ATP11A: variants seen among roughly 807,000 people sequenced by gnomAD.
ATP11A encodes phospholipid-transporting ATPase IH.
ATP11A carries 81 observed loss-of-function variants against 154.4 expected under a neutral mutation model. The ratio of observed to expected loss-of-function variants is 0.52; its 90% CI spans 0.44 to 0.63. The LOEUF is 0.63. Ranked by LOEUF, ATP11A falls within the 30% of genes least tolerant of loss-of-function variation. The pLI, the probability that ATP11A is intolerant of heterozygous loss-of-function variation, is 0.00. For synonymous variants in ATP11A, 623 were observed against 585.9 expected, an observed-to-expected ratio of 1.06 and a Z score of -0.91; for missense variants, 1,316 against 1,474.3, an observed-to-expected ratio of 0.89 and a Z score of 1.76.
chr13:112,871,797 A>G lies in ATP11A; in HGVS notation c.3054A>G (p.Leu1018=). ...VFTVMVFTVT[L]KLALDTHYWT... ...CCGTGATGGTGTTCACAGTTACACT[A>G]AAGGTAAGTGGTCTCGCGCTCACGT... Residue 1018 remains leucine, a synonymous_variant, in exon 26 of 30, where the codon CTA becomes CTG. Transcript: ENST00000375645. The G allele has an allele frequency of 1.9e-6, 3 of 1,614,100 alleles. No homozygotes were observed. The highest frequency in any genetic ancestry group is 2.5e-6 in the Non-Finnish European group (3 of 1,179,916).
intron 1 of ATP11A, among the ~76,000 whole-genome samples, chr13:112,784,786 G>C (rs2077581920): frequency 6.6e-6 from 1 of 152,214 alleles, no homozygotes; most frequent in Admixed American, 6.5e-5. Context: ...GCCTCCCAAA[G>C]TGCTGGGATT....
chr13:112,872,582 G>A (rs148981042), intron 26 of ATP11A, among the ~76,000 whole-genome samples: 20 of 152,372 alleles, frequency 1.3e-4, no homozygotes, highest in African/African-American at 4.1e-4. Context: ...CTGCACTCCA[G>A]CCTGGGCGAC....
chr13:112,867,695 C>T (rs549580434), intron 25 of ATP11A, among the ~76,000 whole-genome samples: 13 of 152,358 alleles, frequency 8.5e-5, no homozygotes, highest in African/African-American at 3.1e-4. Flanking sequence ...GCTGTACCCT[C>T]CAGCCCCTGG....
chr13:112,796,838 A>C (rs1425807295), intron 2 of ATP11A, among the ~76,000 whole-genome samples: 2 of 151,964 alleles, frequency 1.3e-5, no homozygotes, highest in African/African-American at 4.8e-5. Context: ...TTTGTAATAC[A>C]GGCTGCTCAG....
intron 25 of ATP11A, 73 bp downstream of exon 25, chr13:112,862,648 G>C (rs1243223932): frequency 6.3e-7 from 1 of 1,598,682 alleles, no homozygotes. Flanking sequence ...TGATGATTTT[G>C]CCAAAGCAGA....
chr13:112,824,524 G>A, intron 10 of ATP11A, 99 bp downstream of exon 10: 1 of 1,084,208 alleles, frequency 9.2e-7, no homozygotes, highest in Non-Finnish European at 1.4e-6. Flanking sequence ...CAGTTCCTTT[G>A]CCACTGTACA....
At chr13:112,862,391 C>T (rs370472327) in intron 24 of ATP11A, 49 bp from the exon 25 acceptor site, 81 of 1,606,968 alleles carry the variant, frequency 5.0e-5, no homozygotes, top group South Asian at 2.1e-4. Context: ...GGGGAGGTGC[C>T]GGGCCCTGAT....
At chr13:112,815,962 T>C (rs1368400585) in intron 5 of ATP11A, 121 bp from the exon 6 acceptor site, 21 of 1,369,812 alleles carry the variant, frequency 1.5e-5, no homozygotes, top group South Asian at 9.5e-5. Context: ...CCTGAAACCG[T>C]GTCCACATCC....
chr13:112,706,533 TG>T (rs1233680529), intron 1 of ATP11A, among the ~76,000 whole-genome samples: 1 of 152,246 alleles, frequency 6.6e-6, no homozygotes, highest in Non-Finnish European at 1.5e-5. Flanking sequence ...TTGCTTGGTT[TG>T]AATAAGTGCT....
intron 25 of ATP11A, among the ~76,000 whole-genome samples, chr13:112,863,135 C>A (rs1273430349): frequency 7.2e-6 from 1 of 138,280 alleles, no homozygotes; most frequent in South Asian, 2.4e-4. Flanking sequence ...CCATCACCAC[C>A]TGCACAGTAA....
At chr13:112,748,044 G>A (rs1334382818) in intron 1 of ATP11A, among the ~76,000 whole-genome samples, 1 of 152,196 alleles carries the variant, frequency 6.6e-6, no homozygotes, top group Non-Finnish European at 1.5e-5. Context: ...AAACTTTCAT[G>A]CATAAAATTA....
At chr13:112,729,933 C>T (rs949116927) in intron 1 of ATP11A, among the ~76,000 whole-genome samples, 16 of 152,246 alleles carry the variant, frequency 1.1e-4, no homozygotes, top group Non-Finnish European at 2.4e-4. Context: ...TTAGATGTAA[C>T]AGTAGTACTT....
At chr13:112,845,109 C>T (rs1468088000) in intron 17 of ATP11A, among the ~76,000 whole-genome samples, 3 of 151,476 alleles carry the variant, frequency 2.0e-5, no homozygotes, top group African/African-American at 4.9e-5. Flanking sequence ...CAGCCACTAG[C>T]GGTACTAGTA....
At chr13:112,788,122 T>A in intron 2 of ATP11A, among the ~76,000 whole-genome samples, 1 of 151,298 alleles carries the variant, frequency 6.6e-6, no homozygotes, top group Non-Finnish European at 1.5e-5. Flanking sequence ...ACCTACTTAA[T>A]CCACACCGGG....
At chr13:112,764,138 A>G (rs1212908000) in intron 1 of ATP11A, among the ~76,000 whole-genome samples, 1 of 152,362 alleles carries the variant, frequency 6.6e-6, no homozygotes, top group East Asian at 1.9e-4. Flanking sequence ...GTTTGGCCGT[A>G]GCCCCCATAA....
intron 2 of ATP11A, among the ~76,000 whole-genome samples, chr13:112,788,673 G>A (rs769536682): frequency 1.8e-4 from 28 of 151,890 alleles, no homozygotes; most frequent in Non-Finnish European, 3.8e-4. Context: ...TTCACACCGG[G>A]TGTCCTGATG....
At chr13:112,760,311 G>A (rs2076934914) in intron 1 of ATP11A, among the ~76,000 whole-genome samples, 2 of 152,300 alleles carry the variant, frequency 1.3e-5, no homozygotes, top group South Asian at 4.2e-4. Context: ...TGTGTCCTGG[G>A]TGCTGTGTGT....
At chr13:112,752,447 CCT>C (rs1320909194) in intron 1 of ATP11A, among the ~76,000 whole-genome samples, 3 of 152,144 alleles carry the variant, frequency 2.0e-5, no homozygotes, top group South Asian at 2.1e-4. Flanking sequence ...GGCGGGCGCC[CCT>C]GTGTGGAGCG....
intron 2 of ATP11A, among the ~76,000 whole-genome samples, chr13:112,787,798 C>T (rs1456060687): frequency 4.1e-5 from 6 of 146,142 alleles, no homozygotes; most frequent in African/African-American, 1.0e-4. Context: ...ACGTGTAAAC[C>T]CCTGTGGAGA....
Sources: allele counts gnomAD v4.1 joint callset (sites outside exome capture counted in the v4.1 genomes callset), GRCh38; gene constraint gnomAD v4.1.1; transcripts MANE v1.5; gene names NCBI Gene and HGNC (gene_info 2026-07-23, HGNC 2026-07-21).